The following ACOXL variants were observed in gnomAD, a reference collection of about 807,000 sequenced individuals.
The protein encoded by ACOXL is acyl-CoA oxidase like.
A neutral mutation model predicts 71.9 loss-of-function variants in ACOXL; 70 were observed. The observed-to-expected ratio is 0.97, with a 90% CI of 0.80 to 1.19. The LOEUF is 1.19. Ranked by LOEUF, ACOXL falls within the 50% of genes most tolerant of loss-of-function variation. ACOXL has a pLI of 0.00. For missense variants in ACOXL, 703 were observed against 736.3 expected (o/e 0.95, Z 0.52); for synonymous variants, 253 against 281.6 (o/e 0.90, Z 1.02).
chr2:110,864,539 T>G (rs1694327107), intron 10 of ACOXL, among the ~76,000 whole-genome samples: 1 of 152,222 alleles, frequency 6.6e-6, no homozygotes, highest in African/African-American at 2.4e-5. Context: ...CAGAAGTGCC[T>G]CTTGGCTAAG....
chr2:110,845,949 G>A (rs1437177429), intron 10 of ACOXL, among the ~76,000 whole-genome samples: 3 of 152,176 alleles, frequency 2.0e-5, no homozygotes, highest in Non-Finnish European at 1.5e-5. Context: ...TACATGCCCA[G>A]AAGTGGAATT....
intron 16 of ACOXL, among the ~76,000 whole-genome samples, chr2:111,053,621 A>G (rs2066401821): frequency 6.6e-6 from 1 of 152,202 alleles, no homozygotes; most frequent in Non-Finnish European, 1.5e-5. Context: ...GCCTCTGTTT[A>G]GGGTGGAAGT....
At chr2:111,093,155 T>A (rs529887374) in intron 17 of ACOXL, among the ~76,000 whole-genome samples, 189 bp downstream of exon 17, 15 of 150,536 alleles carry the variant, frequency 1.0e-4, no homozygotes, top group Non-Finnish European at 2.2e-4. Context: ...GACAAGGGAG[T>A]GACTCACTGT....
chr2:110,779,307 A>G (rs1300929696), intron 2 of ACOXL, among the ~76,000 whole-genome samples: 1 of 152,174 alleles, frequency 6.6e-6, no homozygotes, highest in Non-Finnish European at 1.5e-5. Context: ...AGCAAGAAGT[A>G]AGAAGGGCTA....
At chr2:110,787,032 A>G (rs540933678) in intron 3 of ACOXL, among the ~76,000 whole-genome samples, 2 of 152,120 alleles carry the variant, frequency 1.3e-5, no homozygotes, top group East Asian at 3.9e-4. Context: ...TCAGGGATAA[A>G]CATCAAGATA....
intron 14 of ACOXL, among the ~76,000 whole-genome samples, chr2:111,003,393 A>T (rs891244177): frequency 2.7e-5 from 4 of 150,178 alleles, no homozygotes; most frequent in South Asian, 4.2e-4. Flanking sequence ...ACTAAAGATT[A>T]AAAAAAAATT....
In ACOXL at chr2:110,733,060, C is replaced by G. The variant is rs1676373256; in HGVS notation, c.-23+286C>G. 6.6e-6 allele frequency: 1 copy of G among 152,404 alleles called. No individual in the cohort carries two copies. Among genetic ancestry groups the G allele is most frequent in the Non-Finnish European group, 1.5e-5 (1 of 68,166 alleles). The allele number at this position is 152,404 out of a possible 1,614,324, so 9.4% of individuals were successfully genotyped here. A position where few individuals can be genotyped will look rare whatever the true frequency, so the allele number is the denominator to read the frequency against. On this transcript the variant is annotated intron_variant, in intron 1 of 17. Coordinates refer to ENST00000439055, the MANE Select transcript of ACOXL (RefSeq NM_001142807.4). ...GGTGCAGGGCTGGGCCCCGCGGTGA[C>G]AGGCGCGGTGTCTACGAAGACCGTG...
At chr2:110,968,964 C>T (rs1441085526) in intron 12 of ACOXL, among the ~76,000 whole-genome samples, 2 of 151,978 alleles carry the variant, frequency 1.3e-5, no homozygotes, top group African/African-American at 4.8e-5. Context: ...TAAAAAGGTA[C>T]AGAATATGTT....
chr2:111,031,574 T>A, intron 14 of ACOXL, 53 bp from the exon 15 acceptor site: 1 of 1,524,998 alleles, frequency 6.6e-7, no homozygotes, highest in Non-Finnish European at 9.1e-7. Flanking sequence ...GCTATTAAGT[T>A]AGACTCTCTC....
At chr2:110,991,415 T>A (rs2063167363) in intron 13 of ACOXL, among the ~76,000 whole-genome samples, 1 of 152,206 alleles carries the variant, frequency 6.6e-6, no homozygotes, top group Non-Finnish European at 1.5e-5. Context: ...TTTCATTGAT[T>A]TATGCTCATG....
At chr2:110,947,283 C>G (rs1465182264) in intron 12 of ACOXL, among the ~76,000 whole-genome samples, 1 of 152,188 alleles carries the variant, frequency 6.6e-6, no homozygotes, top group Non-Finnish European at 1.5e-5. Flanking sequence ...TCTCCATATT[C>G]AAGCAAACCT....
intron 16 of ACOXL, among the ~76,000 whole-genome samples, chr2:111,071,401 C>T (rs1204173808): frequency 6.6e-6 from 1 of 152,214 alleles, no homozygotes; most frequent in Non-Finnish European, 1.5e-5. Context: ...TTGTTCCAGT[C>T]TGGCCCAATT....
chr2:111,091,842 A>T (rs760843234), intron 16 of ACOXL, among the ~76,000 whole-genome samples: 7 of 152,202 alleles, frequency 4.6e-5, no homozygotes, highest in African/African-American at 7.2e-5. Flanking sequence ...TGCTGTTCCA[A>T]GGATACGCCA....
intron 17 of ACOXL, among the ~76,000 whole-genome samples, chr2:111,095,484 C>A (rs1373095082): frequency 6.6e-6 from 1 of 151,050 alleles, no homozygotes. Flanking sequence ...CTCGGCCTCC[C>A]GGGCTCAAGT....
At chr2:111,041,152 T>A (rs116707335) in intron 15 of ACOXL, among the ~76,000 whole-genome samples, 2 of 152,168 alleles carry the variant, frequency 1.3e-5, no homozygotes, top group Non-Finnish European at 2.9e-5. Flanking sequence ...CAACTCAGCT[T>A]GGACGTGTGG....
chr2:110,789,852 CTTG>C (rs1418753726), intron 3 of ACOXL, among the ~76,000 whole-genome samples: 1 of 152,216 alleles, frequency 6.6e-6, no homozygotes, highest in Non-Finnish European at 1.5e-5. Flanking sequence ...TTAGGAGGCC[CTTG>C]TTGGGCTGTT....
intron 10 of ACOXL, among the ~76,000 whole-genome samples, chr2:110,844,472 G>A (rs1353546834): frequency 6.6e-6 from 1 of 151,906 alleles, no homozygotes; most frequent in Non-Finnish European, 1.5e-5. Context: ...TCTTCCCCTC[G>A]GCCACAGGAG....
rs1368783301 is a variant in ACOXL at position 110,861,293 on chromosome 2, T to A, written c.788+19888T>A. On this transcript the variant is annotated intron_variant, in intron 10 of 17. Transcript: ENST00000439055. ...AAGCTCAATGTAAATTCTACATCAT[T>A]AAAAAAAATACCAAAACAACAAAAT... Among the ~76,000 whole-genome samples, 6 of 151,778 alleles carry A rather than the reference T, an allele frequency of 4.0e-5. No homozygotes were observed. In the East Asian group the frequency reaches 1.2e-3, roughly 29 times the overall value.
chr2:110,757,067 A>G lies in ACOXL; in HGVS notation c.-22-11301A>G, dbSNP rs1679799920. Among the ~76,000 whole-genome samples the G allele has an allele frequency of 2.0e-5, 3 of 152,128 alleles. No individual in the cohort carries two copies. The South Asian group carries it at 6.2e-4, about 32-fold the overall frequency. On this transcript the variant is annotated intron_variant, in intron 1 of 17. Coordinates refer to ENST00000439055, the MANE Select transcript of ACOXL (RefSeq NM_001142807.4). ...TCTCCCTCCTCCAACCCCCCCCAAGACAGGCTCCAGTGCATGTTGTTCTCA... is the reference window on the plus strand; with the variant it reads ...TCTCCCTCCTCCAACCCCCCCCAAGGCAGGCTCCAGTGCATGTTGTTCTCA...
Sources: gnomAD v4.1 joint callset for allele counts (sites outside exome capture counted in the v4.1 genomes callset) on GRCh38, gnomAD v4.1.1 for gene constraint, MANE v1.5 for transcripts, NCBI Gene and HGNC (gene_info 2026-07-23, HGNC 2026-07-21) for gene names.